Variants in ARHGAP28 observed in about 807,000 individuals in gnomAD.
ARHGAP28 encodes the protein Rho GTPase activating protein 28.
In ARHGAP28, 56 loss-of-function variants were observed where a neutral mutation model predicts 90.7. The observed-to-expected ratio is 0.62, with a 90% CI of 0.50 to 0.77. ARHGAP28 has a LOEUF of 0.77. Among genes scored for constraint, ARHGAP28 ranks in the 30% least tolerant of loss-of-function variants. The pLI is 0.00. For missense variants in ARHGAP28, 869 were observed against 900.9 expected, an observed-to-expected ratio of 0.96 and a Z score of 0.45; for synonymous variants, 308 against 323.3, an observed-to-expected ratio of 0.95 and a Z score of 0.51.
At chr18:6,736,538 G>A (rs1439067083) in intron 1 of ARHGAP28, among the ~76,000 whole-genome samples, 5 of 151,424 alleles carry the variant, frequency 3.3e-5, no homozygotes, top group East Asian at 1.9e-4. Flanking sequence ...TCGGGAGTTC[G>A]AGACCAGCCT....
At chr18:6,803,935 C>A (rs970144864) in intron 1 of ARHGAP28, among the ~76,000 whole-genome samples, 1 of 152,002 alleles carries the variant, frequency 6.6e-6, no homozygotes, top group Non-Finnish European at 1.5e-5. Flanking sequence ...CCTCCCACCA[C>A]GCCCAGCTAA....
At chr18:6,803,147 A>G (rs1211508981) in intron 1 of ARHGAP28, among the ~76,000 whole-genome samples, 1 of 152,160 alleles carries the variant, frequency 6.6e-6, no homozygotes, top group Admixed American at 6.5e-5. Flanking sequence ...GGTGAGAGCA[A>G]TCATCCAGGT....
At chr18:6,859,949 A>G in intron 5 of ARHGAP28, 52 bp downstream of exon 5, 4 of 1,468,678 alleles carry the variant, frequency 2.7e-6, no homozygotes, top group Non-Finnish European at 3.8e-6. Context: ...TTGCAAGTCA[A>G]AGCAACTAAT....
chr18:6,734,600 T>C (rs2055910245), intron 1 of ARHGAP28, among the ~76,000 whole-genome samples: 1 of 152,150 alleles, frequency 6.6e-6, no homozygotes, highest in African/African-American at 2.4e-5. Context: ...AAGTAAATAT[T>C]TTATATTGAG....
At chr18:6,865,868 C>A (rs1032229359) in intron 5 of ARHGAP28, among the ~76,000 whole-genome samples, 3 of 152,110 alleles carry the variant, frequency 2.0e-5, no homozygotes, top group Non-Finnish European at 4.4e-5. Flanking sequence ...CTGTCACTTC[C>A]CTTAGCAGTG....
chr18:6,767,111 A>T (rs1383961765), intron 1 of ARHGAP28, among the ~76,000 whole-genome samples: 2 of 149,872 alleles, frequency 1.3e-5, no homozygotes, highest in Non-Finnish European at 3.0e-5. Flanking sequence ...TTTTATCTCT[A>T]CTCTTTTAGC....
At chr18:6,758,576 G>A (rs1405207389) in intron 1 of ARHGAP28, among the ~76,000 whole-genome samples, 9 of 152,076 alleles carry the variant, frequency 5.9e-5, no homozygotes, top group Non-Finnish European at 7.4e-5. Flanking sequence ...CGCCCACCTC[G>A]GCTTCCCAAA....
At chr18:6,781,967 A>G (rs538176939) in intron 1 of ARHGAP28, among the ~76,000 whole-genome samples, 51 of 152,208 alleles carry the variant, frequency 3.4e-4, no homozygotes, top group African/African-American at 1.1e-3. Flanking sequence ...CTCTTGGAAT[A>G]TGGGTTTAGG....
In ARHGAP28 at chr18:6,864,383, T is replaced by A. The variant is rs117126440; in HGVS notation, c.727-3767T>A. Among the ~76,000 whole-genome samples the A allele has an allele frequency of 2.2e-4, 34 of 152,292 alleles. 2 individuals are homozygous for A. The East Asian group carries it at 6.6e-3, about 29-fold the overall frequency. On this transcript the variant is annotated intron_variant, in intron 5 of 17. Transcript: ENST00000383472. ...TGGGCCTGTTTAATTTTTTAATGGA[T>A]GTAATTTAAGGGTTAGATTATTTTC...
chr18:6,781,688 C>T (rs1194558395), intron 1 of ARHGAP28, among the ~76,000 whole-genome samples: 1 of 152,188 alleles, frequency 6.6e-6, no homozygotes, highest in African/African-American at 2.4e-5. Flanking sequence ...CAGCTCCCAC[C>T]TGACACACTG....
rs200215515 is a variant in ARHGAP28 at position 6,889,859 on chromosome 18, T to C, written c.1537-29T>C. 1.7e-4 allele frequency: 272 copies of C among 1,607,974 alleles called. 1 individual carries two copies. In the African/African-American group the frequency reaches 3.5e-3, roughly 21 times the overall value. The stretch of plus-strand genomic sequence containing the variant: ...CAGGGGCACTTTTGACAGTGTACAA[T>C]TGTATGACACAATGCTGTTTCTTCT... On this transcript the variant is annotated intron_variant, in intron 12 of 17. Coordinates refer to ENST00000383472, the MANE Select transcript of ARHGAP28 (RefSeq NM_001366230.1).
At chr18:6,876,552 C>T (rs942213227) in intron 10 of ARHGAP28, among the ~76,000 whole-genome samples, 2 of 152,132 alleles carry the variant, frequency 1.3e-5, no homozygotes, top group Non-Finnish European at 2.9e-5. Context: ...AAAGTTGAAA[C>T]GTCTCACTGC....
Position 6,837,241 on chromosome 18 carries a change from A to C in ARHGAP28, c.370A>C (p.Thr124Pro). Residue 124 changes from threonine to proline, a missense_variant, in exon 3 of 18, where the codon ACT (threonine) becomes CCT (proline). Coordinates refer to ENST00000383472, the MANE Select transcript of ARHGAP28 (RefSeq NM_001366230.1). ...AEWLQDVGLS[T>P]LISGDEEEDG... ...ATGGCTGCAAGATGTGGGTTTATCAACTCTGATCTCAGGTGATGAAGAGGA... is the reference window on the plus strand; with the variant it reads ...ATGGCTGCAAGATGTGGGTTTATCACCTCTGATCTCAGGTGATGAAGAGGA... 6.3e-7 allele frequency: 1 copy of C among 1,584,116 alleles called. No individual in the cohort carries two copies. Among genetic ancestry groups the C allele is most frequent in the South Asian group, 1.1e-5 (1 of 87,176 alleles).
intron 5 of ARHGAP28, among the ~76,000 whole-genome samples, chr18:6,865,824 AACTTTCAG>A (rs905054136): frequency 2.0e-5 from 3 of 152,178 alleles, no homozygotes; most frequent in African/African-American, 4.8e-5. Context: ...GCAGCAGAGC[AACTTTCAG>A]CAGAGGGAAA....
chr18:6,865,275 A>G (rs1276503833), intron 5 of ARHGAP28, among the ~76,000 whole-genome samples: 2 of 152,232 alleles, frequency 1.3e-5, no homozygotes, highest in Non-Finnish European at 2.9e-5. Context: ...TTATAATTTC[A>G]GATGTGAACA....
intron 1 of ARHGAP28, among the ~76,000 whole-genome samples, chr18:6,820,823 T>C (rs984895796): frequency 5.9e-5 from 9 of 152,122 alleles, no homozygotes; most frequent in African/African-American, 2.2e-4. Flanking sequence ...TAAAAACATA[T>C]TCAGAAATAA....
At position 6,861,689 on chromosome 18, in the gene ARHGAP28, G is replaced by C. The variant is rs73941146; in HGVS notation, c.726+1792G>C. On this transcript the variant is annotated intron_variant, in intron 5 of 17. Transcript: ENST00000383472. The stretch of plus-strand genomic sequence containing the variant: ...GATGGTAGGCATGCCTTCCTTTCTA[G>C]GTGTTTCCATGGCAGCTCCATGGCC... 3.8e-3 allele frequency among the ~76,000 whole-genome samples: 583 copies of C among 152,248 alleles called. 3 individuals are homozygous for C. The highest frequency in any genetic ancestry group is 0.014 in the African/African-American group (564 of 41,552).
intron 1 of ARHGAP28, among the ~76,000 whole-genome samples, chr18:6,777,248 A>G (rs781186586): frequency 6.6e-6 from 1 of 152,212 alleles, no homozygotes; most frequent in Non-Finnish European, 1.5e-5. Context: ...TTGTGAATCT[A>G]TCTAATATAG....
chr18:6,790,770 T>A (rs1198927192), intron 1 of ARHGAP28: 1 of 151,878 alleles, frequency 6.6e-6, no homozygotes, highest in Non-Finnish European at 1.5e-5. Flanking sequence ...CTTCTCAGGG[T>A]TGGGTACAAG....
Sources: gnomAD v4.1 joint callset for allele counts (sites outside exome capture counted in the v4.1 genomes callset) on GRCh38, gnomAD v4.1.1 for gene constraint, MANE v1.5 for transcripts, NCBI Gene and HGNC (gene_info 2026-07-23, HGNC 2026-07-21) for gene names.